ADGRL2: variants seen among roughly 807,000 people sequenced by gnomAD.
ADGRL2 encodes adhesion G protein-coupled receptor L2.
In ADGRL2, 44 loss-of-function variants were observed where a neutral mutation model predicts 157.4. The observed-to-expected ratio is 0.28, with a 90% confidence interval of 0.22 to 0.36. ADGRL2 has a LOEUF of 0.36. Ranked by LOEUF, ADGRL2 falls within the 10% of genes least tolerant of loss-of-function variation. ADGRL2 has a pLI of 1.00. For missense variants in ADGRL2, 1,510 were observed against 1,768.9 expected (o/e 0.85, Z 2.63); for synonymous variants, 585 against 624.7 (o/e 0.94, Z 0.95).
intron 2 of ADGRL2, among the ~76,000 whole-genome samples, chr1:81,546,874 G>A (rs986603852): frequency 6.6e-6 from 1 of 152,152 alleles, no homozygotes; most frequent in Non-Finnish European, 1.5e-5. Context: ...GGTCATCTCA[G>A]GAGGGACTTG....
intron 10 of ADGRL2, among the ~76,000 whole-genome samples, chr1:81,954,380 G>GA (rs1652805606): frequency 6.6e-6 from 1 of 152,112 alleles, no homozygotes; most frequent in Admixed American, 6.6e-5. Flanking sequence ...ATTTCAGCAT[G>GA]ACCTTAATTT....
chr1:81,875,935 A>G (rs1481692602), intron 2 of ADGRL2, among the ~76,000 whole-genome samples: 1 of 152,154 alleles, frequency 6.6e-6, no homozygotes, highest in Non-Finnish European at 1.5e-5. Context: ...CATTTGCTAT[A>G]GTAGTTCAGC....
chr1:81,692,395 G>A (rs1434096584), intron 3 of ADGRL2, among the ~76,000 whole-genome samples: 1 of 152,194 alleles, frequency 6.6e-6, no homozygotes, highest in East Asian at 1.9e-4. Flanking sequence ...AATTACTCAA[G>A]TTGATTGAAT....
At chr1:81,590,894 C>T (rs2081119010) in intron 3 of ADGRL2, among the ~76,000 whole-genome samples, 1 of 152,118 alleles carries the variant, frequency 6.6e-6, no homozygotes, top group South Asian at 2.1e-4. Context: ...ACAGAACAAC[C>T]CCATATGAGA....
chr1:81,837,252 A>T (rs1215316640), intron 2 of ADGRL2, among the ~76,000 whole-genome samples, 195 bp downstream of exon 2: 1 of 152,046 alleles, frequency 6.6e-6, no homozygotes, highest in Non-Finnish European at 1.5e-5. Context: ...AGTGCTAGAT[A>T]TGTGAATTTA....
intron 2 of ADGRL2, among the ~76,000 whole-genome samples, chr1:81,459,415 T>G (rs2077875362): frequency 1.3e-5 from 2 of 152,220 alleles, no homozygotes; most frequent in Non-Finnish European, 2.9e-5. Flanking sequence ...AGTAGGATCA[T>G]GAAGTATTTG....
chr1:81,322,109 T>TATATATATATATATAC (rs71592379), intron 1 of ADGRL2, among the ~76,000 whole-genome samples: 19 of 129,826 alleles, frequency 1.5e-4, no homozygotes, highest in African/African-American at 5.1e-4. Flanking sequence ...TATATATATA[T>TATATATATATATATAC]ACACATATAT....
At chr1:81,645,616 G>A (rs566529305) in intron 3 of ADGRL2, among the ~76,000 whole-genome samples, 1 of 152,064 alleles carries the variant, frequency 6.6e-6, no homozygotes, top group South Asian at 2.1e-4. Flanking sequence ...GGGGTTAAAG[G>A]AGAGAAGCAT....
chr1:81,857,204 C>G (rs1275157798), intron 2 of ADGRL2, among the ~76,000 whole-genome samples: 1 of 152,174 alleles, frequency 6.6e-6, no homozygotes, highest in Admixed American at 6.5e-5. Flanking sequence ...GAGATTGATT[C>G]ATTCCCAGGT....
chr1:81,308,095 A>G (rs1659479572), intron 1 of ADGRL2, among the ~76,000 whole-genome samples: 1 of 152,132 alleles, frequency 6.6e-6, no homozygotes, highest in African/African-American at 2.4e-5. Context: ...TATATGTTTT[A>G]TAGCAGTGGG....
At chr1:81,411,468 A>G (rs571641187) in intron 1 of ADGRL2, among the ~76,000 whole-genome samples, 4 of 152,316 alleles carry the variant, frequency 2.6e-5, no homozygotes. Context: ...ATTTGTGATG[A>G]GAAACTGAGG....
chr1:81,746,936 G>A (rs1236252467), intron 1 of ADGRL2, among the ~76,000 whole-genome samples: 9 of 145,086 alleles, frequency 6.2e-5, no homozygotes, highest in Admixed American at 3.4e-4. Flanking sequence ...ATATACACAC[G>A]TATACACATG....
At position 81,943,414 on chromosome 1, in the gene ADGRL2, GA is replaced by G; in HGVS notation, c.857del (p.Asn286ThrfsTer4). 6.2e-7 allele frequency: 1 copy of G among 1,613,694 alleles called. No homozygotes were observed. The highest frequency in any genetic ancestry group is 2.2e-5 in the East Asian group (1 of 44,864). On this transcript the variant is annotated frameshift_variant, in exon 6 of 24. Transcript: ENST00000686636. LOFTEE classifies it high-confidence loss of function. The surrounding 1 kb of genome is among the most constrained non-coding windows in gnomAD (Gnocchi z 5.6). The stretch of plus-strand genomic sequence containing the variant: ...TATGGGTCATTTACGCCACTGAACA[GA>G]ACAATGGAATGATAGTTATTAGCCA... Reference protein sequence around the residue: ...GLWVIYATEQNNGMIVISQLN... With the variant: ...GLWVIYATEQXNGMIVISQLN...
chr1:81,902,253 G>T (rs1043606684), intron 2 of ADGRL2, among the ~76,000 whole-genome samples: 1 of 152,140 alleles, frequency 6.6e-6, no homozygotes, highest in South Asian at 2.1e-4. Flanking sequence ...AAGCCTCTAG[G>T]TAGCAGGTAT....
chr1:81,984,794 T>A (rs899568032), intron 20 of ADGRL2, 83 bp downstream of exon 20: 2 of 1,402,936 alleles, frequency 1.4e-6, no homozygotes, highest in Admixed American at 3.8e-5. Context: ...ATGCACTAAT[T>A]GTCTTCTCAT....
intron 2 of ADGRL2, among the ~76,000 whole-genome samples, chr1:81,525,301 C>G (rs1341115780): frequency 6.6e-6 from 1 of 151,330 alleles, no homozygotes. Flanking sequence ...GTAAAAATGT[C>G]AACATGGACA....
chr1:81,364,256 A>G (rs1182130676), intron 1 of ADGRL2, among the ~76,000 whole-genome samples: 1 of 150,448 alleles, frequency 6.6e-6, no homozygotes, highest in African/African-American at 2.4e-5. Flanking sequence ...CATTTCTTTC[A>G]TTTAAGTCTG....
intron 2 of ADGRL2, chr1:81,501,907 T>A (rs1003391130): frequency 3.8e-5 from 62 of 1,613,120 alleles, no homozygotes; most frequent in Non-Finnish European, 5.1e-5. Flanking sequence ...AGTTCTTGTA[T>A]GCCCAAAAGC....
intron 1 of ADGRL2, among the ~76,000 whole-genome samples, chr1:81,749,997 C>A (rs1166468969): frequency 2.6e-5 from 4 of 152,078 alleles, no homozygotes; most frequent in Admixed American, 2.6e-4. Context: ...AGAGTAGGCA[C>A]TCAATAAATA....
Sources: allele counts gnomAD v4.1 joint callset (sites outside exome capture counted in the v4.1 genomes callset), GRCh38; gene constraint gnomAD v4.1.1; non-coding constraint Gnocchi (gnomAD v3.1); transcripts MANE v1.5; gene names NCBI Gene and HGNC (gene_info 2026-07-23, HGNC 2026-07-21).